RNF185: variants seen among roughly 807,000 people sequenced by gnomAD.
The protein encoded by RNF185 is E3 ubiquitin-protein ligase RNF185.
Under a neutral mutation model 24.9 loss-of-function variants are expected in RNF185, and 13 were observed. The observed-to-expected ratio is 0.52, with a 90% confidence interval of 0.34 to 0.83. The LOEUF is 0.83. Among genes scored for constraint, RNF185 ranks in the 40% least tolerant of loss-of-function variants. The probability of loss-of-function intolerance (pLI) is 0.01; values close to 1 mark genes in which losing one functional copy is unlikely to be tolerated. For synonymous variants in RNF185, 79 were observed against 90.3 expected (o/e 0.88, Z 0.71); for missense variants, 184 against 244.7 (o/e 0.75, Z 1.65).
intron 1 of RNF185, among the ~76,000 whole-genome samples, chr22:31,161,956 C>G (rs1319556216): frequency 6.7e-6 from 1 of 149,768 alleles, no homozygotes; most frequent in African/African-American, 2.5e-5. Context: ...CTCCTGACCT[C>G]AAGTGATCCG....
At chr22:31,189,234 G>A (rs11913992) in intron 2 of RNF185, among the ~76,000 whole-genome samples, 85,977 of 135,598 alleles carry the variant, frequency 0.63, 27,796 homozygotes, top group Middle Eastern at 0.74. Context: ...TGTATTTTAT[G>A]TATATATTAA....
At chr22:31,175,058 C>G (rs974217478) in intron 1 of RNF185, among the ~76,000 whole-genome samples, 1 of 132,302 alleles carries the variant, frequency 7.6e-6, no homozygotes, top group African/African-American at 3.0e-5. Flanking sequence ...GGCGACAGAG[C>G]GAGCCTCCGT....
At chr22:31,189,135 ATG>A (rs202051750) in intron 2 of RNF185, among the ~76,000 whole-genome samples, 5,466 of 136,820 alleles carry the variant, frequency 0.04, 169 homozygotes, top group East Asian at 0.086. Flanking sequence ...CAAAAAAAAA[ATG>A]TGTGTGTGTG....
At chr22:31,179,259 G>A (rs565014823) in intron 1 of RNF185, among the ~76,000 whole-genome samples, 47 of 152,244 alleles carry the variant, frequency 3.1e-4, no homozygotes, top group Middle Eastern at 3.4e-3. Context: ...TTCCTGAGCC[G>A]ATCAGGAACC....
intron 1 of RNF185, among the ~76,000 whole-genome samples, chr22:31,176,778 G>A (rs1000000149): frequency 3.9e-5 from 6 of 152,140 alleles, no homozygotes; most frequent in East Asian, 1.9e-4. Flanking sequence ...GTGAGCCACC[G>A]TGTCCAGCCC....
intron 1 of RNF185, among the ~76,000 whole-genome samples, chr22:31,179,178 C>A (rs1025097756): frequency 7.9e-5 from 12 of 152,206 alleles, no homozygotes; most frequent in Non-Finnish European, 1.6e-4. Context: ...ATAGCTTCTA[C>A]AGGGACCATG....
chr22:31,183,584 A>G (rs913238051), intron 1 of RNF185, among the ~76,000 whole-genome samples: 1 of 151,194 alleles, frequency 6.6e-6, no homozygotes, highest in African/African-American at 2.4e-5. Context: ...AGTGGTGATG[A>G]CTCTTAACGA....
intron 1 of RNF185, among the ~76,000 whole-genome samples, chr22:31,184,776 G>A (rs1235308679): frequency 6.6e-6 from 1 of 152,120 alleles, no homozygotes; most frequent in Admixed American, 6.5e-5. Context: ...CCAGTCAGGT[G>A]TGGCGGCGCG....
chr22:31,195,257 T>C (rs1033009770), intron 3 of RNF185, among the ~76,000 whole-genome samples: 6 of 152,246 alleles, frequency 3.9e-5, no homozygotes, highest in Admixed American at 3.9e-4. Context: ...CGGCCAATTA[T>C]GATGATATTT....
chr22:31,203,689 T>A (rs1426634307), intron 6 of RNF185, among the ~76,000 whole-genome samples: 1 of 152,214 alleles, frequency 6.6e-6, no homozygotes, highest in East Asian at 1.9e-4. Flanking sequence ...TGTCTTGTCC[T>A]TATTGTTATT....
chr22:31,169,575 G>A (rs942911913), intron 1 of RNF185, among the ~76,000 whole-genome samples: 3 of 151,888 alleles, frequency 2.0e-5, no homozygotes, highest in Non-Finnish European at 2.9e-5. Context: ...TAAAGACAGG[G>A]TCTCTCTGTC....
At chr22:31,161,126 A>G (rs1185715742) in intron 1 of RNF185, among the ~76,000 whole-genome samples, 1 of 152,210 alleles carries the variant, frequency 6.6e-6, no homozygotes, top group Non-Finnish European at 1.5e-5. Flanking sequence ...TCTTTAGGCT[A>G]AAAGAGGCAG....
chr22:31,163,656 T>TTTATTTATTTATTTATTTA (rs71319165), intron 1 of RNF185, among the ~76,000 whole-genome samples: 3 of 141,036 alleles, frequency 2.1e-5, no homozygotes, highest in Admixed American at 1.4e-4. Context: ...TTTTATTTTA[T>TTTATTTATTTATTTATTTA]TTTATTTATT....
intron 2 of RNF185, among the ~76,000 whole-genome samples, chr22:31,190,149 G>A (rs2048142266): frequency 6.6e-6 from 1 of 152,160 alleles, no homozygotes; most frequent in African/African-American, 2.4e-5. Flanking sequence ...ATGACATTTT[G>A]GTCAACAATG....
At chr22:31,177,432 C>T (rs1470432729) in intron 1 of RNF185, among the ~76,000 whole-genome samples, 1 of 151,888 alleles carries the variant, frequency 6.6e-6, no homozygotes, top group African/African-American at 2.4e-5. Context: ...ATTTGAGGGC[C>T]AAATCTCCAT....
intron 5 of RNF185, among the ~76,000 whole-genome samples, chr22:31,198,704 CTTTTTTTTTT>C (rs1196076379): frequency 0.02 from 1,395 of 69,700 alleles, 49 homozygotes; most frequent in African/African-American, 0.07. Flanking sequence ...CTGCCACTTT[CTTTTTTTTTT>C]TTTTTTTTTT....
In RNF185 at chr22:31,187,242, G is replaced by A. The variant is rs146844244; in HGVS notation, c.148G>A (p.Val50Ile). The change falls in exon 2 of 7, where the codon GTC becomes ATC. Residue 50 changes from valine to isoleucine, a missense_variant. Coordinates refer to ENST00000326132, the MANE Select transcript of RNF185 (RefSeq NM_152267.4). ...NICLDTAKDAVISLCGHLFCW... is the reference protein window; with the variant it reads ...NICLDTAKDAIISLCGHLFCW... The stretch of plus-strand genomic sequence containing the variant: ...CTGCTTGGACACAGCCAAGGATGCC[G>A]TCATCAGCCTGTGTGGCCACCTCTT... 3.3e-5 allele frequency: 54 copies of A among 1,613,902 alleles called. No homozygotes were observed. Among genetic ancestry groups the A allele is most frequent in the Non-Finnish European group, 4.2e-5 (49 of 1,179,930 alleles).
intron 1 of RNF185, among the ~76,000 whole-genome samples, chr22:31,180,963 C>T (rs1459728700): frequency 7.1e-6 from 1 of 140,762 alleles, no homozygotes; most frequent in Admixed American, 7.4e-5. Flanking sequence ...GTGTGTCTGC[C>T]TGTCTGTCTG....
intron 1 of RNF185, among the ~76,000 whole-genome samples, chr22:31,165,293 A>G (rs548338637): frequency 1.3e-5 from 2 of 152,268 alleles, no homozygotes; most frequent in Admixed American, 6.5e-5. Flanking sequence ...AAAAAATTAT[A>G]TCTCTCCTAG....
Sources: allele counts gnomAD v4.1 joint callset (sites outside exome capture counted in the v4.1 genomes callset), GRCh38; gene constraint gnomAD v4.1.1; transcripts MANE v1.5; gene names NCBI Gene and HGNC (gene_info 2026-07-23, HGNC 2026-07-21).